The following PAK3 variants were observed in gnomAD, a reference collection of about 807,000 sequenced individuals.
PAK3 encodes the protein p21 (RAC1) activated kinase 3.
PAK3 carries 4 observed loss-of-function variants against 41.0 expected under a neutral mutation model. The ratio of observed to expected loss-of-function variants is 0.10; its 90% CI spans 0.05 to 0.22. The LOEUF (loss-of-function observed/expected upper bound fraction) is 0.22. PAK3 is among the 10% of genes least tolerant of loss of function. PAK3 has a pLI of 1.00. For missense variants in PAK3, 205 were observed against 409.9 expected (o/e 0.50, Z 4.32); for synonymous variants, 146 against 139.6 (o/e 1.05, Z -0.32).
chrX:110,963,651 G>A (rs755066381), intron 1 of PAK3, among the ~76,000 whole-genome samples: 46 of 112,212 alleles, frequency 4.1e-4, no homozygotes, highest in Non-Finnish European at 6.9e-4. Context: ...TAAAAGCACT[G>A]AATTGAAAAT....
chrX:111,174,186 AC>A (rs2094380049), intron 11 of PAK3, among the ~76,000 whole-genome samples: 1 of 111,742 alleles, frequency 8.9e-6, no homozygotes, highest in Non-Finnish European at 1.9e-5. Context: ...TATAAGCTTG[AC>A]TATTTTTCAT....
At chrX:111,169,196 A>G (rs2094303194) in intron 10 of PAK3, 1 of 190,973 alleles carries the variant, frequency 5.2e-6, no homozygotes, top group Admixed American at 6.0e-5. Flanking sequence ...TCCTGTACTT[A>G]AAGACATAGT....
At chrX:110,972,759 C>T (rs1406434148) in intron 1 of PAK3, among the ~76,000 whole-genome samples, 1 of 111,516 alleles carries the variant, frequency 9.0e-6, no homozygotes, top group Non-Finnish European at 1.9e-5. Flanking sequence ...TAATGACAAA[C>T]TTCTCCGAGC....
chrX:111,017,315 G>A (rs2092107262), intron 1 of PAK3, among the ~76,000 whole-genome samples: 1 of 111,212 alleles, frequency 9.0e-6, no homozygotes, highest in Admixed American at 9.5e-5. Context: ...ATGTCTCTTT[G>A]AAAAGATCAA....
At chrX:111,053,860 C>T (rs746350001) in intron 1 of PAK3, among the ~76,000 whole-genome samples, 1 of 112,179 alleles carries the variant, frequency 8.9e-6, no homozygotes, top group South Asian at 3.7e-4. Context: ...ACAGCCTTTG[C>T]TCACAAGAGA....
At chrX:111,122,255 G>GAAAAAAAAAA (rs747134804) in intron 4 of PAK3, among the ~76,000 whole-genome samples, 1 of 23,276 alleles carries the variant, frequency 4.3e-5, no homozygotes, top group Admixed American at 6.0e-4. Context: ...GACTCCATCT[G>GAAAAAAAAAA]AAAAAAAAAA....
chrX:111,004,111 A>C (rs2091888463), intron 1 of PAK3, among the ~76,000 whole-genome samples: 1 of 112,595 alleles, frequency 8.9e-6, no homozygotes, highest in Non-Finnish European at 1.9e-5. Flanking sequence ...CTTTCTTCAT[A>C]TATAACAGGA....
intron 1 of PAK3, among the ~76,000 whole-genome samples, chrX:111,066,700 A>G (rs192876516): frequency 1.9e-3 from 211 of 112,024 alleles, no homozygotes; most frequent in Middle Eastern, 9.2e-3. Flanking sequence ...GGCTGTCTAA[A>G]TTGAGAAATA....
At chrX:111,076,734 T>A (rs1157438803) in intron 1 of PAK3, among the ~76,000 whole-genome samples, 1 of 112,078 alleles carries the variant, frequency 8.9e-6, no homozygotes, top group Non-Finnish European at 1.9e-5. Context: ...CAGTGAAAAG[T>A]TGAAAGCTCT....
intron 4 of PAK3, among the ~76,000 whole-genome samples, chrX:111,119,761 A>C (rs750027614): frequency 1.8e-5 from 2 of 112,263 alleles, no homozygotes; most frequent in South Asian, 7.4e-4. Context: ...ATAGTAGGAG[A>C]TACTTCCCAC....
At chrX:111,031,568 G>A (rs2092340929) in intron 1 of PAK3, among the ~76,000 whole-genome samples, 1 of 111,455 alleles carries the variant, frequency 9.0e-6, no homozygotes, top group South Asian at 3.8e-4. Context: ...ATTGTTATTT[G>A]TTTGATTGTG....
chrX:110,979,876 T>A (rs2091419756), intron 1 of PAK3, among the ~76,000 whole-genome samples: 1 of 112,197 alleles, frequency 8.9e-6, no homozygotes, highest in Non-Finnish European at 1.9e-5. Context: ...GGGCTTTCTG[T>A]TTAAAGTGTC....
chrX:111,180,216 C>G (rs2094450270), intron 11 of PAK3, among the ~76,000 whole-genome samples: 1 of 111,806 alleles, frequency 8.9e-6, no homozygotes, highest in African/African-American at 3.2e-5. Flanking sequence ...ATATGTTTCA[C>G]TGAGTTGCAT....
At chrX:111,167,175 A>T (rs1168151567) in intron 10 of PAK3, among the ~76,000 whole-genome samples, 1 of 111,585 alleles carries the variant, frequency 9.0e-6, no homozygotes, top group East Asian at 2.8e-4. Flanking sequence ...AGTGTGACAG[A>T]ATGATTGAAA....
In PAK3 at chrX:111,196,469, C is replaced by T; in HGVS notation, c.1236C>T (p.Ile412=). Reference sequence around the variant, plus strand: ...CTGACTTTGGGTTCTGTGCCCAGATCACTCCTGAGCAAAGTAAACGAAGCA... The same window carrying T: ...CTGACTTTGGGTTCTGTGCCCAGATTACTCCTGAGCAAAGTAAACGAAGCA... ...KLTDFGFCAQ[I]TPEQSKRSTM... The change falls in exon 16 of 18, where the codon ATC becomes ATT. Residue 412 remains isoleucine (I), a synonymous_variant. Transcript: ENST00000372007. 4 of 1,208,993 alleles carry T rather than the reference C, an allele frequency of 3.3e-6. No homozygotes were observed. The highest frequency in any genetic ancestry group is 4.5e-6 in the Non-Finnish European group (4 of 892,942).
Position 111,161,774 on chromosome X carries a change from G to A in PAK3, c.469-1141G>A, listed in dbSNP as rs1041401365. Reference sequence around the variant, plus strand: ...TCAGTTTGTCAAAGATCAGATGGTTGTAGATATGTGGCATTATTTCTGAGG... The same window carrying A: ...TCAGTTTGTCAAAGATCAGATGGTTATAGATATGTGGCATTATTTCTGAGG... On this transcript the variant is annotated intron_variant, in intron 8 of 17. Transcript: ENST00000372007. Among the ~76,000 whole-genome samples the A allele has an allele frequency of 6.3e-5, 7 of 111,332 alleles. No individual in the cohort carries two copies. In the South Asian group the frequency reaches 2.7e-3, roughly 43 times the overall value.
At chrX:111,209,639 T>C (rs371215501) in intron 16 of PAK3, among the ~76,000 whole-genome samples, 2 of 112,273 alleles carry the variant, frequency 1.8e-5, no homozygotes, top group East Asian at 5.6e-4. Flanking sequence ...CTATCCTCTT[T>C]GTAAAGTGAG....
chrX:110,953,197 TA>T (rs2090781829), intron 1 of PAK3, among the ~76,000 whole-genome samples: 1 of 111,677 alleles, frequency 9.0e-6, no homozygotes, highest in South Asian at 3.8e-4. Flanking sequence ...AATCCAAAAA[TA>T]AAAACCTCAT....
chrX:111,155,734 C>A (rs2094098854), intron 8 of PAK3, among the ~76,000 whole-genome samples: 1 of 110,895 alleles, frequency 9.0e-6, no homozygotes, highest in African/African-American at 3.3e-5. Context: ...TGAGCTAGAT[C>A]TTAAAGGTCA....
Sources: allele counts gnomAD v4.1 joint callset (sites outside exome capture counted in the v4.1 genomes callset), GRCh38; gene constraint gnomAD v4.1.1; transcripts MANE v1.5; gene names NCBI Gene and HGNC (gene_info 2026-07-23, HGNC 2026-07-21).